Variants in PTPRT observed in about 807,000 individuals in gnomAD.
The protein encoded by PTPRT is receptor-type tyrosine-protein phosphatase T.
Under a neutral mutation model 176.8 loss-of-function variants are expected in PTPRT, and 56 were observed. That is an observed-to-expected ratio of 0.32 (90% confidence interval 0.26 to 0.40). The LOEUF (loss-of-function observed/expected upper bound fraction) is 0.40. Ranked by LOEUF, PTPRT falls within the 10% of genes least tolerant of loss-of-function variation. PTPRT has a pLI of 1.00. For synonymous variants in PTPRT, 783 were observed against 739.0 expected (o/e 1.06, Z -0.96); for missense variants, 1,540 against 1,908.2 (o/e 0.81, Z 3.60).
chr20:42,749,370 C>T (rs776207357), intron 6 of PTPRT, among the ~76,000 whole-genome samples: 8 of 152,186 alleles, frequency 5.3e-5, no homozygotes, highest in African/African-American at 1.9e-4. Context: ...TCAGATGGGG[C>T]CAGTCGGAGA....
At chr20:42,968,608 C>A (rs1486680846) in intron 1 of PTPRT, 1 of 152,246 alleles carries the variant, frequency 6.6e-6, no homozygotes, top group Non-Finnish European at 1.5e-5. Context: ...TGCATCATAA[C>A]AAGACTGGCA....
intron 1 of PTPRT, among the ~76,000 whole-genome samples, chr20:43,041,138 C>T (rs3091581): frequency 6.6e-6 from 1 of 151,972 alleles, no homozygotes; most frequent in African/African-American, 2.4e-5. Flanking sequence ...AATCACTTAC[C>T]AGTGAAGAAA....
At chr20:42,498,039 T>C (rs1303831221) in intron 7 of PTPRT, among the ~76,000 whole-genome samples, 2 of 152,164 alleles carry the variant, frequency 1.3e-5, no homozygotes, top group Non-Finnish European at 2.9e-5. Context: ...GCTTCCAGCA[T>C]CACTAGTGGT....
intron 1 of PTPRT, among the ~76,000 whole-genome samples, chr20:42,998,077 G>A (rs996097573): frequency 7.2e-5 from 11 of 152,170 alleles, no homozygotes; most frequent in Non-Finnish European, 1.3e-4. Context: ...TAAGTACCAA[G>A]AGTGTGAGAT....
At chr20:42,987,642 A>AC (rs1337144465) in intron 1 of PTPRT, among the ~76,000 whole-genome samples, 1 of 107,478 alleles carries the variant, frequency 9.3e-6, no homozygotes, top group African/African-American at 3.5e-5. Flanking sequence ...CACTCCGCCC[A>AC]CCCCTCCCCC....
intron 9 of PTPRT, among the ~76,000 whole-genome samples, chr20:42,372,264 A>G (rs1600909890): frequency 6.8e-6 from 1 of 147,464 alleles, no homozygotes; most frequent in Non-Finnish European, 1.5e-5. Flanking sequence ...AACAGAAGAC[A>G]GGGTTTTCTT....
At chr20:42,084,896 A>C in intron 28 of PTPRT, 51 bp from the exon 29 acceptor site, 1 of 1,344,268 alleles carries the variant, frequency 7.4e-7, no homozygotes, top group Non-Finnish European at 9.7e-7. Context: ...GCTTGCGTAC[A>C]TGCACCTTGC....
rs371897684 is a variant in PTPRT, at chr20:42,799,044, A to G, written c.215-7578T>C. On this transcript the variant is annotated intron_variant, in intron 2 of 30. Coordinates refer to ENST00000373187, the MANE Select transcript of PTPRT (RefSeq NM_007050.6). Reference sequence around the variant, plus strand: ...GAGAAAAAAAGGAAGGCAGAGAGGAAGAGGGAGAGACACAAGACAAAGAAG... The same window carrying G: ...GAGAAAAAAAGGAAGGCAGAGAGGAGGAGGGAGAGACACAAGACAAAGAAG... 3.0e-4 allele frequency among the ~76,000 whole-genome samples: 46 copies of G among 152,172 alleles called. 1 individual carries two copies. In the South Asian group the frequency reaches 8.5e-3, roughly 28 times the overall value.
intron 4 of PTPRT, among the ~76,000 whole-genome samples, chr20:42,772,691 C>T (rs2077080221): frequency 6.6e-6 from 1 of 152,072 alleles, no homozygotes; most frequent in Non-Finnish European, 1.5e-5. Flanking sequence ...TGGGATCACC[C>T]CCAGAATGGA....
At chr20:42,740,346 C>A (rs2076590226) in intron 6 of PTPRT, among the ~76,000 whole-genome samples, 1 of 152,168 alleles carries the variant, frequency 6.6e-6, no homozygotes, top group Non-Finnish European at 1.5e-5. Context: ...GGGACGTGGG[C>A]CAACAACCTT....
chr20:42,893,898 T>G (rs1287515075), intron 1 of PTPRT, among the ~76,000 whole-genome samples: 1 of 151,976 alleles, frequency 6.6e-6, no homozygotes, highest in African/African-American at 2.4e-5. Context: ...CATTAGGAGA[T>G]ATACCTAATG....
chr20:42,573,749 C>T (rs6102911), intron 7 of PTPRT, among the ~76,000 whole-genome samples: 56,948 of 111,220 alleles, frequency 0.51, 15,647 homozygotes, highest in East Asian at 0.63. Context: ...TTCTTTCTTT[C>T]TTTTTTTTTT....
intron 1 of PTPRT, among the ~76,000 whole-genome samples, chr20:42,937,798 T>A (rs961402602): frequency 6.6e-6 from 1 of 152,222 alleles, no homozygotes; most frequent in African/African-American, 2.4e-5. Flanking sequence ...AACTGCGAAG[T>A]ATCATTTAGC....
At chr20:42,443,445 C>T (rs2059336855) in intron 9 of PTPRT, among the ~76,000 whole-genome samples, 1 of 152,226 alleles carries the variant, frequency 6.6e-6, no homozygotes, top group Non-Finnish European at 1.5e-5. Flanking sequence ...CATGATCTGT[C>T]ACTCTGTTAG....
At chr20:42,751,507 G>A (rs997405165) in intron 6 of PTPRT, among the ~76,000 whole-genome samples, 6 of 152,160 alleles carry the variant, frequency 3.9e-5, no homozygotes, top group Non-Finnish European at 5.9e-5. Context: ...GTTTCTGGGT[G>A]TATCTGGGTG....
chr20:42,456,864 G>C (rs2070934799), intron 8 of PTPRT, among the ~76,000 whole-genome samples: 1 of 152,118 alleles, frequency 6.6e-6, no homozygotes, highest in Admixed American at 6.5e-5. Context: ...CATAAAGTGT[G>C]TAAGATTAGG....
intron 6 of PTPRT, among the ~76,000 whole-genome samples, chr20:42,706,217 G>A (rs1037868877): frequency 7.7e-6 from 1 of 129,984 alleles, no homozygotes; most frequent in Non-Finnish European, 1.7e-5. Flanking sequence ...GTGTGTGTGT[G>A]TATGTGTGTG....
At chr20:42,351,113 CTTT>C (rs11476309) in intron 10 of PTPRT, among the ~76,000 whole-genome samples, 1 of 148,158 alleles carries the variant, frequency 6.7e-6, no homozygotes, top group Non-Finnish European at 1.5e-5. Flanking sequence ...TCCCCTCTAC[CTTT>C]TTTTTTTTTC....
chr20:42,689,054 A>T, intron 6 of PTPRT, among the ~76,000 whole-genome samples: 1 of 152,200 alleles, frequency 6.6e-6, no homozygotes. Context: ...AGCACTGGGT[A>T]GAAGAGGGTG....
Sources: allele counts gnomAD v4.1 joint callset (sites outside exome capture counted in the v4.1 genomes callset), GRCh38; gene constraint gnomAD v4.1.1; transcripts MANE v1.5; gene names NCBI Gene and HGNC (gene_info 2026-07-23, HGNC 2026-07-21).